Variants in LAMA2 observed in about 807,000 individuals in gnomAD.
The protein encoded by LAMA2 is laminin subunit alpha-2.
LAMA2 carries 269 observed loss-of-function variants against 364.8 expected under a neutral mutation model. That is an observed-to-expected ratio of 0.74 (90% confidence interval 0.67 to 0.82). The LOEUF (loss-of-function observed/expected upper bound fraction) is 0.82. Ranked by LOEUF, LAMA2 falls within the 40% of genes least tolerant of loss-of-function variation. The probability of loss-of-function intolerance (pLI) is 0.00; values close to 1 mark genes in which losing one functional copy is unlikely to be tolerated. For synonymous variants in LAMA2, 1,379 were observed against 1,370.6 expected (o/e 1.01, Z -0.14); for missense variants, 3,807 against 3,873.2 (o/e 0.98, Z 0.45).
Position 129,292,476 on chromosome 6 carries a change from G to T in LAMA2, c.2856+756G>T, listed in dbSNP as rs371581503. Among the ~76,000 whole-genome samples the T allele has an allele frequency of 5.3e-5, 8 of 152,156 alleles. No homozygotes were observed. The South Asian group carries it at 1.7e-3, about 32-fold the overall frequency. On this transcript the variant is annotated intron_variant, in intron 20 of 64. Transcript: ENST00000421865. ...AAGTTTCAGTAGAGAAGTTAATCAA[G>T]ATATTTTTAAAGATGCATTATTTTG... is the stretch of plus-strand genomic sequence containing the variant.
At chr6:129,187,407 A>G (rs1438434508) in intron 10 of LAMA2, among the ~76,000 whole-genome samples, 1 of 151,786 alleles carries the variant, frequency 6.6e-6, no homozygotes, top group Non-Finnish European at 1.5e-5. Flanking sequence ...AATATACTCT[A>G]TAATGTAGTA....
At chr6:129,279,501 A>T (rs1359847134) in intron 17 of LAMA2, among the ~76,000 whole-genome samples, 1 of 152,186 alleles carries the variant, frequency 6.6e-6, no homozygotes, top group East Asian at 1.9e-4. Context: ...TAGAATATGC[A>T]CACTTGATCT....
At chr6:129,169,798 CTT>C in intron 9 of LAMA2, among the ~76,000 whole-genome samples, 1 of 140,866 alleles carries the variant, frequency 7.1e-6, no homozygotes, top group East Asian at 2.1e-4. Context: ...GTCCTGGACT[CTT>C]TTTGGTTGGT....
intron 12 of LAMA2, among the ~76,000 whole-genome samples, chr6:129,247,744 A>G (rs1785859236): frequency 6.6e-6 from 1 of 152,272 alleles, no homozygotes; most frequent in Non-Finnish European, 1.5e-5. Context: ...GAGATACACA[A>G]AAGAGTTTAG....
chr6:129,007,128 G>A (rs1223068353), intron 1 of LAMA2, among the ~76,000 whole-genome samples: 4 of 152,156 alleles, frequency 2.6e-5, no homozygotes, highest in Non-Finnish European at 4.4e-5. Context: ...GGGCGTAGGG[G>A]AAGCAATCTG....
At chr6:129,329,339 C>A (rs1214424612) in intron 29 of LAMA2, among the ~76,000 whole-genome samples, 2 of 152,068 alleles carry the variant, frequency 1.3e-5, no homozygotes, top group Non-Finnish European at 2.9e-5. Context: ...CCCGGCAGCC[C>A]TCTTAAGGAG....
chr6:129,178,880 T>C (rs925007604), intron 10 of LAMA2, among the ~76,000 whole-genome samples: 4 of 152,032 alleles, frequency 2.6e-5, no homozygotes, highest in African/African-American at 9.7e-5. Context: ...AAGCTAAATA[T>C]AATAATAATA....
intron 1 of LAMA2, among the ~76,000 whole-genome samples, chr6:128,919,708 C>T (rs1401551537): frequency 6.6e-6 from 1 of 152,176 alleles, no homozygotes; most frequent in African/African-American, 2.4e-5. Context: ...TTATAAAACA[C>T]AATAGTATTG....
intron 1 of LAMA2, among the ~76,000 whole-genome samples, chr6:128,995,511 A>G (rs1324355669): frequency 6.6e-6 from 1 of 152,108 alleles, no homozygotes; most frequent in Non-Finnish European, 1.5e-5. Flanking sequence ...TTTAGTAGAG[A>G]CAGGGTTTCG....
intron 3 of LAMA2, among the ~76,000 whole-genome samples, chr6:129,089,281 A>G (rs1049053165): frequency 2.6e-5 from 4 of 152,240 alleles, no homozygotes; most frequent in African/African-American, 9.6e-5. Flanking sequence ...TCCCATCACT[A>G]CAAATCTTTG....
At chr6:129,055,176 T>TTTATTATTTATTA (rs1554207594) in intron 2 of LAMA2, among the ~76,000 whole-genome samples, 10 of 123,758 alleles carry the variant, frequency 8.1e-5, no homozygotes, top group African/African-American at 3.3e-4. Flanking sequence ...ATTATTATTA[T>TTTATTATTTATTA]TTATTATTAT....
chr6:129,192,708 C>A lies in LAMA2; in HGVS notation c.1637C>A (p.Thr546Asn). The A allele has an allele frequency of 6.2e-7, 1 of 1,614,162 alleles. No individual in the cohort carries two copies. The highest frequency in any genetic ancestry group is 8.5e-7 in the Non-Finnish European group (1 of 1,180,012). ...CAAGATATGAGTGGCTGGTATCTGA[C>A]TGACCTTCCTGGCCGCATTCGAGTG... ...KIQDMSGWYL[T>N]DLPGRIRVAP... The change falls in exon 12 of 65, where the codon ACT (threonine) becomes AAT (asparagine). Residue 546 changes from threonine (T) to asparagine (N), a missense_variant. Around this residue, in one of 3 missense-constraint regions of LAMA2, gnomAD observed 3,333 missense variants for 3,345.7 expected, o/e 1.00. Transcript: ENST00000421865.
In LAMA2 at chr6:129,136,900, G is replaced by A. The variant is rs77814951; in HGVS notation, c.640-7001G>A. On this transcript the variant is annotated intron_variant, in intron 4 of 64. Coordinates refer to ENST00000421865, the MANE Select transcript of LAMA2 (RefSeq NM_000426.4). ...TTAGTGGTCAGTGTTCCTTTTATGC[G>A]TTATGACCAGTGGGAAGGATACCAG... Among the ~76,000 whole-genome samples, 196 of 152,014 alleles carry A rather than the reference G, an allele frequency of 1.3e-3. 2 individuals are homozygous for A. Among genetic ancestry groups the A allele is most frequent in the East Asian group, 4.4e-3 (23 of 5,184 alleles).
At chr6:129,194,218 A>C (rs1188336361) in intron 12 of LAMA2, among the ~76,000 whole-genome samples, 1 of 152,156 alleles carries the variant, frequency 6.6e-6, no homozygotes, top group African/African-American at 2.4e-5. Flanking sequence ...TTTAAAAAAA[A>C]AACAACTGAG....
At chr6:129,014,662 G>T (rs1784968524) in intron 1 of LAMA2, among the ~76,000 whole-genome samples, 1 of 151,936 alleles carries the variant, frequency 6.6e-6, no homozygotes, top group Non-Finnish European at 1.5e-5. Flanking sequence ...ATAATTAAAA[G>T]AAAAAATATG....
intron 29 of LAMA2, among the ~76,000 whole-genome samples, chr6:129,340,443 C>T (rs190984748): frequency 1.6e-4 from 24 of 151,758 alleles, no homozygotes; most frequent in East Asian, 5.8e-4. Flanking sequence ...AGACAAAGGA[C>T]GGAAACAAAT....
At chr6:129,488,676 G>A (rs1279193516) in intron 56 of LAMA2, among the ~76,000 whole-genome samples, 3 of 152,184 alleles carry the variant, frequency 2.0e-5, no homozygotes, top group African/African-American at 7.2e-5. Context: ...ATATTAGTGT[G>A]TAGTCACTGA....
intron 1 of LAMA2, among the ~76,000 whole-genome samples, chr6:128,992,708 G>A (rs928796616): frequency 6.6e-6 from 1 of 152,170 alleles, no homozygotes; most frequent in East Asian, 1.9e-4. Context: ...AAAATGAAGA[G>A]TTGAATTTCT....
chr6:129,466,992 C>T (rs1476083238), intron 51 of LAMA2, among the ~76,000 whole-genome samples: 1 of 151,820 alleles, frequency 6.6e-6, no homozygotes, highest in African/African-American at 2.4e-5. Context: ...GCTACGGAGT[C>T]TGGTGAGCCT....
Sources: gnomAD v4.1 joint callset for allele counts (sites outside exome capture counted in the v4.1 genomes callset) on GRCh38, gnomAD v4.1.1 for gene constraint, gnomAD v4.1.1 regional missense constraint, MANE v1.5 for transcripts, NCBI Gene and HGNC (gene_info 2026-07-23, HGNC 2026-07-21) for gene names.